BTD: variants seen among roughly 807,000 people sequenced by gnomAD.
The protein encoded by BTD is biotinidase.
BTD carries 13 observed loss-of-function variants against 17.7 expected under a neutral mutation model. The ratio of observed to expected loss-of-function variants is 0.74; its 90% CI spans 0.48 to 1.17. The LOEUF (loss-of-function observed/expected upper bound fraction) is 1.17, where lower values mean the gene tolerates loss of function less well. BTD is among the 50% of genes most tolerant of loss of function. The pLI, the probability that BTD is intolerant of heterozygous loss-of-function variation, is 0.00. For synonymous variants in BTD, 240 were observed against 245.2 expected, an observed-to-expected ratio of 0.98 and a Z score of 0.20; for missense variants, 674 against 650.4, an observed-to-expected ratio of 1.04 and a Z score of -0.39.
chr3:15,703,167 T>A (rs890340863), intron 3 of BTD, among the ~76,000 whole-genome samples: 1 of 152,228 alleles, frequency 6.6e-6, no homozygotes, highest in Admixed American at 6.5e-5. Flanking sequence ...ATTTAAAGAT[T>A]GATTTTGGTA....
intron 1 of BTD, chr3:15,631,633 G>A (rs1303913591): frequency 1.4e-6 from 1 of 735,438 alleles, no homozygotes; most frequent in African/African-American, 1.8e-5. Context: ...ACTGGTGTTG[G>A]GGGAATGTTT....
chr3:15,630,573 G>T (rs1027997164), intron 1 of BTD, among the ~76,000 whole-genome samples: 2 of 152,150 alleles, frequency 1.3e-5, no homozygotes, highest in Non-Finnish European at 2.9e-5. Flanking sequence ...TTGCACATTT[G>T]GTTTCCTAGG....
At chr3:15,717,334 C>T (rs1231500439), downstream of BTD, among the ~76,000 whole-genome samples, 1 of 151,980 alleles carries the variant, frequency 6.6e-6, no homozygotes, top group East Asian at 1.9e-4. Flanking sequence ...TTACTTTCTA[C>T]ATACTGATAA....
At chr3:15,679,439 A>C in intron 3 of BTD, 1 of 1,613,520 alleles carries the variant, frequency 6.2e-7, no homozygotes, top group Non-Finnish European at 8.5e-7. Flanking sequence ...TTCTTAAAAC[A>C]CTCAAACCAA....
upstream of BTD, chr3:15,601,519 A>G: frequency 1.2e-6 from 2 of 1,609,102 alleles, no homozygotes; most frequent in South Asian, 1.1e-5. Flanking sequence ...GGAATCATCC[A>G]GCAAGGCAAA....
intron 3 of BTD, chr3:15,670,608 C>T (rs1048461743): frequency 5.1e-5 from 78 of 1,540,396 alleles, no homozygotes; most frequent in Non-Finnish European, 6.5e-5. Context: ...TGTATTTCAC[C>T]AAAGACAAGG....
intron 3 of BTD, chr3:15,667,449 A>G (rs1444250775): frequency 6.6e-6 from 1 of 152,222 alleles, no homozygotes; most frequent in East Asian, 1.9e-4. Flanking sequence ...GATATTTCAG[A>G]TGTCATCTTT....
At chr3:15,714,986 G>C (rs976295457), downstream of BTD, among the ~76,000 whole-genome samples, 1 of 151,970 alleles carries the variant, frequency 6.6e-6, no homozygotes, top group Non-Finnish European at 1.5e-5. Context: ...ATCCTTCCTT[G>C]ACCAAGTAAA....
At chr3:15,675,903 T>C (rs1223246846) in intron 3 of BTD, 1 of 1,607,668 alleles carries the variant, frequency 6.2e-7, no homozygotes, top group Non-Finnish European at 8.5e-7. Context: ...CTTACCATTT[T>C]CATCTACTGC....
At chr3:15,713,476 T>C, downstream of BTD, 1 of 1,427,988 alleles carries the variant, frequency 7.0e-7, no homozygotes, top group South Asian at 1.2e-5. Context: ...TGCAGTTCAC[T>C]TCCCTTTGTG....
chr3:15,686,727 A>G (rs893553689), intron 3 of BTD, among the ~76,000 whole-genome samples: 4 of 152,330 alleles, frequency 2.6e-5, no homozygotes, highest in South Asian at 2.1e-4. Flanking sequence ...ACCAGGTCTG[A>G]CTACTGAGAT....
chr3:15,696,399 A>T (rs2125895424), intron 3 of BTD, among the ~76,000 whole-genome samples: 1 of 152,292 alleles, frequency 6.6e-6, no homozygotes, highest in Non-Finnish European at 1.5e-5. Flanking sequence ...CATTTAAATG[A>T]CACTGACTAA....
upstream of BTD, chr3:15,601,407 G>T: frequency 6.2e-7 from 1 of 1,614,074 alleles, no homozygotes; most frequent in Middle Eastern, 1.6e-4. Flanking sequence ...CCTGAGCGAT[G>T]ACTTTAGCAC....
intron 1 of BTD, among the ~76,000 whole-genome samples, chr3:15,631,139 G>A (rs918678503): frequency 6.6e-6 from 1 of 152,194 alleles, no homozygotes; most frequent in Non-Finnish European, 1.5e-5. Flanking sequence ...ACTTCCCAAT[G>A]TTTTTCTTGG....
At chr3:15,662,692 T>C (rs1032149010) in intron 3 of BTD, among the ~76,000 whole-genome samples, 2 of 152,112 alleles carry the variant, frequency 1.3e-5, no homozygotes, top group Admixed American at 6.5e-5. Flanking sequence ...TAGAGTGCAG[T>C]GGCATGATCA....
rs182347485 is a variant in BTD at position 15,621,622 on chromosome 3, G to A, written c.-16-13802G>A. On this transcript the variant is annotated intron_variant, in intron 1 of 3. Transcript: ENST00000643237. ...TTTTCTTTTTTTTTTCCTTTGAGAT[G>A]GAGTTTCGCTCTTGTTGCCCAGGCT... Among the ~76,000 whole-genome samples, 58 of 151,194 alleles carry A rather than the reference G, an allele frequency of 3.8e-4. 1 individual carries two copies. Among genetic ancestry groups the A allele is most frequent in the Admixed American group, 3.5e-3 (53 of 15,230 alleles).
At chr3:15,655,975 G>GT (rs2065867407), downstream of BTD, among the ~76,000 whole-genome samples, 1 of 151,972 alleles carries the variant, frequency 6.6e-6, no homozygotes, top group Non-Finnish European at 1.5e-5. Context: ...GCTAATTTTT[G>GT]TATTTTTAGT....
chr3:15,670,150 A>G (rs938248391), intron 3 of BTD: 4 of 1,139,616 alleles, frequency 3.5e-6, no homozygotes, highest in Non-Finnish European at 4.9e-6. Flanking sequence ...ATCTCTTAAC[A>G]TTGGCTCACT....
At chr3:15,612,701 T>C (rs901402931) in intron 1 of BTD, among the ~76,000 whole-genome samples, 1 of 149,126 alleles carries the variant, frequency 6.7e-6, no homozygotes, top group African/African-American at 2.5e-5. Context: ...TTTTTTTTTT[T>C]GCTTCATTAT....
Sources: allele counts gnomAD v4.1 joint callset (sites outside exome capture counted in the v4.1 genomes callset), GRCh38; gene constraint gnomAD v4.1.1; transcripts MANE v1.5; gene names NCBI Gene and HGNC (gene_info 2026-07-23, HGNC 2026-07-21).